The following RHBDD1 variants were observed in gnomAD, a reference collection of about 807,000 sequenced individuals.
RHBDD1 encodes rhomboid domain containing 1, also known as rhomboid-related protein 4.
RHBDD1 carries 38 observed loss-of-function variants against 36.3 expected under a neutral mutation model. The ratio of observed to expected loss-of-function variants is 1.05; its 90% CI spans 0.81 to 1.37. RHBDD1 has a LOEUF of 1.37. Ranked by LOEUF, RHBDD1 falls within the 40% of genes most tolerant of loss-of-function variation. The pLI, the probability that RHBDD1 is intolerant of heterozygous loss-of-function variation, is 0.00. For missense variants in RHBDD1, 393 were observed against 377.6 expected (o/e 1.04, Z -0.34); for synonymous variants, 151 against 136.5 (o/e 1.11, Z -0.74).
At chr2:226,880,967 A>G (rs1164650268) in intron 5 of RHBDD1, among the ~76,000 whole-genome samples, 2 of 152,224 alleles carry the variant, frequency 1.3e-5, no homozygotes, top group African/African-American at 4.8e-5. Context: ...TCATACTGCT[A>G]TAAAGAACTG....
At chr2:226,856,195 T>C (rs1046747565) in intron 3 of RHBDD1, among the ~76,000 whole-genome samples, 7 of 152,198 alleles carry the variant, frequency 4.6e-5, no homozygotes, top group Non-Finnish European at 7.4e-5. Flanking sequence ...AAATATTAAA[T>C]TTTAAAAGCA....
intron 5 of RHBDD1, among the ~76,000 whole-genome samples, chr2:226,886,879 C>A (rs1946259359): frequency 6.6e-6 from 1 of 151,246 alleles, no homozygotes. Context: ...ATTTAAAGAA[C>A]TAGAAAAGGA....
intron 8 of RHBDD1, among the ~76,000 whole-genome samples, chr2:226,943,684 A>C (rs1950802741): frequency 6.6e-6 from 1 of 152,152 alleles, no homozygotes; most frequent in African/African-American, 2.4e-5. Context: ...TGACAAAGAT[A>C]AATTTTAAAC....
the RHBDD1 span, among the ~76,000 whole-genome samples, chr2:226,824,549 G>T: frequency 1.3e-5 from 2 of 152,194 alleles, no homozygotes; most frequent in Non-Finnish European, 2.9e-5. Flanking sequence ...ATTATGTAAA[G>T]TGGAGCTATC....
upstream of RHBDD1, among the ~76,000 whole-genome samples, chr2:226,833,270 G>A (rs1159849662): frequency 6.6e-6 from 1 of 152,152 alleles, no homozygotes; most frequent in Non-Finnish European, 1.5e-5. Flanking sequence ...TCAATACTTG[G>A]TTCATTAAAA....
chr2:226,837,110 C>T (rs1001119214), intron 1 of RHBDD1, among the ~76,000 whole-genome samples: 2 of 152,170 alleles, frequency 1.3e-5, no homozygotes, highest in Non-Finnish European at 2.9e-5. Context: ...GTGATAACAC[C>T]CATTGTGGAA....
intron 5 of RHBDD1, among the ~76,000 whole-genome samples, chr2:226,898,693 T>G (rs1947330874): frequency 1.3e-5 from 2 of 152,318 alleles, no homozygotes; most frequent in South Asian, 4.1e-4. Flanking sequence ...TCTTTCCTAG[T>G]GGCCTTAGTG....
chr2:226,906,924 T>C, intron 6 of RHBDD1, 43 bp downstream of exon 6: 2 of 1,600,802 alleles, frequency 1.2e-6, no homozygotes, highest in African/African-American at 1.3e-5. Context: ...GCTTGGAAGT[T>C]CATGTTAATT....
At chr2:226,947,944 T>C (rs1482847248) in intron 8 of RHBDD1, among the ~76,000 whole-genome samples, 2 of 152,116 alleles carry the variant, frequency 1.3e-5, no homozygotes, top group Admixed American at 6.6e-5. Flanking sequence ...TGTGGAGAAA[T>C]AGGAACACTT....
At chr2:226,887,743 A>G (rs1946351189) in intron 5 of RHBDD1, among the ~76,000 whole-genome samples, 1 of 152,238 alleles carries the variant, frequency 6.6e-6, no homozygotes, top group African/African-American at 2.4e-5. Flanking sequence ...TAAATAATTC[A>G]GTACTATGCA....
At chr2:226,895,407 T>G (rs1267565539) in intron 5 of RHBDD1, among the ~76,000 whole-genome samples, 2 of 151,976 alleles carry the variant, frequency 1.3e-5, no homozygotes, top group Non-Finnish European at 2.9e-5. Flanking sequence ...GAAGGGGTGT[T>G]GCAGAGAAGA....
rs1023689542 is a variant in RHBDD1, at chr2:226,968,553, G to A, written c.857-26878G>A. Among the ~76,000 whole-genome samples, 8 of 152,294 alleles carry A rather than the reference G, an allele frequency of 5.3e-5. No homozygotes were observed. The South Asian group carries it at 1.7e-3, about 32-fold the overall frequency. Reference sequence around the variant, plus strand: ...ACATCTACCAGATGCCTTCACAGCAGCACCCTGATTAGTGTTTAATTGAAT... The same window carrying A: ...ACATCTACCAGATGCCTTCACAGCAACACCCTGATTAGTGTTTAATTGAAT... On this transcript the variant is annotated intron_variant, in intron 8 of 8. Transcript: ENST00000392062.
At chr2:226,886,030 A>G (rs1946174965) in intron 5 of RHBDD1, among the ~76,000 whole-genome samples, 1 of 152,212 alleles carries the variant, frequency 6.6e-6, no homozygotes, top group African/African-American at 2.4e-5. Context: ...GTGTGATATA[A>G]AACTTGTTTA....
At chr2:226,899,725 A>G (rs955849967) in intron 5 of RHBDD1, among the ~76,000 whole-genome samples, 1 of 152,214 alleles carries the variant, frequency 6.6e-6, no homozygotes, top group Non-Finnish European at 1.5e-5. Context: ...ACCTGTCATC[A>G]AAATAGGATG....
At chr2:226,956,213 C>T (rs1951781172) in intron 8 of RHBDD1, among the ~76,000 whole-genome samples, 1 of 152,228 alleles carries the variant, frequency 6.6e-6, no homozygotes, top group African/African-American at 2.4e-5. Context: ...GGGACTTGCT[C>T]AACTTGCTCC....
intron 8 of RHBDD1, among the ~76,000 whole-genome samples, chr2:226,920,481 G>C (rs950969495): frequency 6.6e-6 from 1 of 152,102 alleles, no homozygotes. Context: ...TAGAGGAAAG[G>C]CTTTCTGTTT....
intron 3 of RHBDD1, among the ~76,000 whole-genome samples, chr2:226,861,308 A>G (rs1025766025): frequency 1.3e-5 from 2 of 152,184 alleles, no homozygotes; most frequent in Non-Finnish European, 2.9e-5. Context: ...GTGAAGCCTC[A>G]GGAGAGCAAG....
chr2:226,932,930 A>G (rs550044010), intron 8 of RHBDD1, among the ~76,000 whole-genome samples: 12 of 152,250 alleles, frequency 7.9e-5, no homozygotes, highest in African/African-American at 2.9e-4. Flanking sequence ...AGTAATTTAT[A>G]AAGAAAAGAG....
chr2:226,911,461 G>C (rs1005161301), intron 7 of RHBDD1, among the ~76,000 whole-genome samples: 2 of 151,272 alleles, frequency 1.3e-5, no homozygotes, highest in Non-Finnish European at 2.9e-5. Context: ...TAGTGTTGCA[G>C]AATGGTTGCC....
Sources: allele counts gnomAD v4.1 joint callset (sites outside exome capture counted in the v4.1 genomes callset), GRCh38; gene constraint gnomAD v4.1.1; transcripts MANE v1.5; gene names NCBI Gene and HGNC (gene_info 2026-07-23, HGNC 2026-07-21).